Variants in MDGA2 observed in about 807,000 individuals in gnomAD.
MDGA2 encodes the protein MAM domain-containing glycosylphosphatidylinositol anchor protein 2.
Under a neutral mutation model 117.8 loss-of-function variants are expected in MDGA2, and 40 were observed. The observed-to-expected ratio is 0.34, with a 90% CI of 0.26 to 0.44. The LOEUF (loss-of-function observed/expected upper bound fraction) is 0.44, where lower values mean the gene tolerates loss of function less well. MDGA2 is among the 20% of genes least tolerant of loss of function. The pLI is 1.00. For missense variants in MDGA2, 1,123 were observed against 1,250.6 expected (o/e 0.90, Z 1.54); for synonymous variants, 452 against 439.0 (o/e 1.03, Z -0.37).
At chr14:46,953,257 C>A (rs7153761) in intron 9 of MDGA2, among the ~76,000 whole-genome samples, 8,809 of 150,750 alleles carry the variant, frequency 0.058, 502 homozygotes, top group Admixed American at 0.18. Flanking sequence ...GTTTTATACT[C>A]AATTATAATT....
rs144080795 is a variant in MDGA2, at chr14:47,046,543, G to A, written c.1526-11239C>T. 1.4e-3 allele frequency among the ~76,000 whole-genome samples: 216 copies of A among 149,458 alleles called. 1 individual carries two copies. Among genetic ancestry groups the A allele is most frequent in the African/African-American group, 4.8e-3 (196 of 40,620 alleles). ...TGCAGCACACCAACATGGCACATGT[G>A]TACATATGTAACAAACCTGCATGTT... On this transcript the variant is annotated intron_variant, in intron 7 of 16. Transcript: ENST00000399232.
intron 1 of MDGA2, among the ~76,000 whole-genome samples, chr14:47,667,662 C>T (rs73249253): frequency 0.016 from 2,512 of 152,300 alleles, 69 homozygotes; most frequent in African/African-American, 0.056. Flanking sequence ...ACTTCCTACT[C>T]ACCTCCTTCA....
chr14:46,848,052 A>G (rs535111388), intron 15 of MDGA2, among the ~76,000 whole-genome samples: 2 of 152,166 alleles, frequency 1.3e-5, no homozygotes, highest in African/African-American at 4.8e-5. Flanking sequence ...CATAGCAAAG[A>G]TAAGGGGTTT....
chr14:47,289,316 C>G (rs1245352521), intron 2 of MDGA2, among the ~76,000 whole-genome samples: 1 of 150,218 alleles, frequency 6.7e-6, no homozygotes, highest in Non-Finnish European at 1.5e-5. Context: ...CACACACACA[C>G]ACACACACAC....
At chr14:47,342,305 T>C (rs576942766) in intron 1 of MDGA2, among the ~76,000 whole-genome samples, 1 of 148,256 alleles carries the variant, frequency 6.7e-6, no homozygotes, top group Admixed American at 6.8e-5. Flanking sequence ...TATATAAATA[T>C]GTGTGTATAT....
At chr14:47,180,153 T>C (rs1385973793) in intron 3 of MDGA2, among the ~76,000 whole-genome samples, 2 of 152,144 alleles carry the variant, frequency 1.3e-5, no homozygotes, top group East Asian at 3.9e-4. Context: ...TAGTACCCAT[T>C]AGTTATTTTT....
rs528031063 is a variant in MDGA2 at position 47,495,005 on chromosome 14, T to C, written c.280+179512A>G. On this transcript the variant is annotated intron_variant, in intron 1 of 16. Transcript: ENST00000399232. ...TCAGTAGTATTCTATAGTGTATGTATGTGTGTGTATACATTAGGTAATAGA... is the reference window on the plus strand; with the variant it reads ...TCAGTAGTATTCTATAGTGTATGTACGTGTGTGTATACATTAGGTAATAGA... Among the ~76,000 whole-genome samples, 249 of 151,982 alleles carry C rather than the reference T, an allele frequency of 1.6e-3. 1 individual carries two copies. Among genetic ancestry groups the C allele is most frequent in the African/African-American group, 5.8e-3 (241 of 41,504 alleles).
intron 5 of MDGA2, among the ~76,000 whole-genome samples, chr14:47,129,477 A>T (rs1283358302): frequency 6.6e-6 from 1 of 150,662 alleles, no homozygotes; most frequent in East Asian, 1.9e-4. Context: ...ACATTTTCTT[A>T]ATCCAGTCTA....
chr14:47,290,696 C>T (rs865999011), intron 2 of MDGA2, among the ~76,000 whole-genome samples: 2 of 152,042 alleles, frequency 1.3e-5, no homozygotes, highest in Middle Eastern at 3.4e-3. Flanking sequence ...TATGGATACA[C>T]TCCTCATTGA....
intron 1 of MDGA2, among the ~76,000 whole-genome samples, chr14:47,425,721 C>G (rs1892673895): frequency 6.6e-6 from 1 of 152,020 alleles, no homozygotes. Context: ...ATTTTATTAT[C>G]TGTGTGTATA....
intron 9 of MDGA2, among the ~76,000 whole-genome samples, chr14:46,943,977 A>C (rs1010293690): frequency 6.6e-6 from 1 of 151,992 alleles, no homozygotes; most frequent in Non-Finnish European, 1.5e-5. Context: ...CTATTTGTTG[A>C]CCCCATTTAT....
intron 8 of MDGA2, among the ~76,000 whole-genome samples, chr14:46,986,182 C>T (rs935190468): frequency 6.6e-6 from 1 of 152,026 alleles, no homozygotes; most frequent in Non-Finnish European, 1.5e-5. Flanking sequence ...TTGGCACAGA[C>T]ACAACATAAC....
At chr14:47,132,282 C>T (rs1485287132) in intron 4 of MDGA2, among the ~76,000 whole-genome samples, 1 of 151,688 alleles carries the variant, frequency 6.6e-6, no homozygotes, top group Non-Finnish European at 1.5e-5. Flanking sequence ...GAAGAAGCGC[C>T]AACAAATGAA....
chr14:47,011,830 A>G (rs1304850998), intron 8 of MDGA2, among the ~76,000 whole-genome samples: 1 of 152,048 alleles, frequency 6.6e-6, no homozygotes, highest in Non-Finnish European at 1.5e-5. Context: ...GAAAACAATA[A>G]TATACTTCAT....
intron 7 of MDGA2, among the ~76,000 whole-genome samples, chr14:47,047,747 A>G (rs1300347059): frequency 6.6e-6 from 1 of 152,012 alleles, no homozygotes; most frequent in African/African-American, 2.4e-5. Context: ...TTTTATTCAT[A>G]CTTATGATGT....
At chr14:47,364,558 C>T (rs1394305889) in intron 1 of MDGA2, among the ~76,000 whole-genome samples, 2 of 152,276 alleles carry the variant, frequency 1.3e-5, no homozygotes, top group Non-Finnish European at 2.9e-5. Flanking sequence ...GCCACCGCGC[C>T]GGCCCCAGAA....
intron 9 of MDGA2, among the ~76,000 whole-genome samples, chr14:46,934,184 G>T (rs1395129368): frequency 1.3e-5 from 2 of 151,800 alleles, no homozygotes; most frequent in African/African-American, 4.8e-5. Flanking sequence ...CTATCCTCTT[G>T]TTTGTCTATT....
intron 1 of MDGA2, among the ~76,000 whole-genome samples, chr14:47,388,011 T>A (rs1444577253): frequency 6.6e-6 from 1 of 152,234 alleles, no homozygotes; most frequent in Non-Finnish European, 1.5e-5. Context: ...CTGATCCTAA[T>A]GTATGGTTAC....
rs936548302 is a variant in MDGA2 at position 47,040,350 on chromosome 14, C to CT, written c.1526-5047dup. Among the ~76,000 whole-genome samples, 24 of 151,930 alleles carry CT rather than the reference C, an allele frequency of 1.6e-4. No homozygotes were observed. In the East Asian group the frequency reaches 2.7e-3, roughly 17 times the overall value. On this transcript the variant is annotated intron_variant, in intron 7 of 16. Coordinates refer to ENST00000399232, the MANE Select transcript of MDGA2 (RefSeq NM_001113498.3). ...TAAATTTTATTTTCTTTATTTCCCTCTTTTTTTTACTGATTAAACAATATA... is the reference window on the plus strand; with the variant it reads ...TAAATTTTATTTTCTTTATTTCCCTCTTTTTTTTTACTGATTAAACAATATA...
Sources: gnomAD v4.1 joint callset for allele counts (sites outside exome capture counted in the v4.1 genomes callset) on GRCh38, gnomAD v4.1.1 for gene constraint, MANE v1.5 for transcripts, NCBI Gene and HGNC (gene_info 2026-07-23, HGNC 2026-07-21) for gene names.